The following OSTM1 variants were observed in gnomAD, a reference collection of about 807,000 sequenced individuals.
The protein encoded by OSTM1 is osteopetrosis-associated transmembrane protein 1.
In OSTM1, 26 loss-of-function variants were observed where a neutral mutation model predicts 35.4. The ratio of observed to expected loss-of-function variants is 0.73; its 90% CI spans 0.54 to 1.02. The LOEUF is 1.02. Ranked by LOEUF, OSTM1 falls within the 50% of genes least tolerant of loss-of-function variation. OSTM1 has a pLI of 0.00. For missense variants in OSTM1, 366 were observed against 409.6 expected (o/e 0.89, Z 0.92); for synonymous variants, 181 against 165.0 (o/e 1.10, Z -0.75).
intron 3 of OSTM1, among the ~76,000 whole-genome samples, chr6:108,053,623 G>A (rs1351826201): frequency 6.6e-6 from 1 of 152,128 alleles, no homozygotes; most frequent in Non-Finnish European, 1.5e-5. Context: ...GCACCACCAA[G>A]CCTGGCTAAG....
intron 2 of OSTM1, among the ~76,000 whole-genome samples, chr6:108,054,857 G>C (rs575066365): frequency 1.3e-5 from 2 of 152,190 alleles, no homozygotes; most frequent in East Asian, 3.9e-4. Context: ...GATGGCACAA[G>C]GTCATAATCA....
chr6:108,068,058 C>T (rs1381680456), intron 1 of OSTM1, among the ~76,000 whole-genome samples: 1 of 152,072 alleles, frequency 6.6e-6, no homozygotes, highest in Non-Finnish European at 1.5e-5. Flanking sequence ...TTAGTGTCAC[C>T]AATACTGCCA....
At chr6:108,070,411 C>T (rs1306287479) in intron 1 of OSTM1, among the ~76,000 whole-genome samples, 2 of 152,210 alleles carry the variant, frequency 1.3e-5, no homozygotes, top group Admixed American at 1.3e-4. Flanking sequence ...TTATAACACT[C>T]ACTGATATTT....
rs778815348 is a variant in OSTM1 at position 108,054,553 on chromosome 6, GT to G, written c.551del (p.Asn184ThrfsTer14). On this transcript the variant is annotated frameshift_variant, in exon 3 of 6. Coordinates refer to ENST00000193322, the MANE Select transcript of OSTM1 (RefSeq NM_014028.4). LOFTEE classifies it high-confidence loss of function. ...CLTNNSEELS[N>X]STVYFLNLFN... is the part of the protein sequence containing the mutation. ...ATAGATTAAGGAAATATACTGTGCT[GT>G]TTGATAATTCTTCACTGTTGTTTGT... 4.4e-6 allele frequency: 7 copies of G among 1,574,934 alleles called. No homozygotes were observed. The highest frequency in any genetic ancestry group is 6.1e-6 in the Non-Finnish European group (7 of 1,146,950).
chr6:108,062,012 C>T (rs537101699), intron 2 of OSTM1, among the ~76,000 whole-genome samples: 1 of 151,744 alleles, frequency 6.6e-6, no homozygotes, highest in African/African-American at 2.4e-5. Flanking sequence ...CTATATACTA[C>T]GTTTTTTTCT....
intron 5 of OSTM1, among the ~76,000 whole-genome samples, chr6:108,045,091 G>A (rs1395478277): frequency 1.3e-5 from 2 of 152,066 alleles, no homozygotes; most frequent in African/African-American, 2.4e-5. Flanking sequence ...ATATCTTCTT[G>A]AACATCACAA....
At chr6:108,045,287 T>G (rs1771947959) in intron 5 of OSTM1, among the ~76,000 whole-genome samples, 1 of 152,170 alleles carries the variant, frequency 6.6e-6, no homozygotes, top group South Asian at 2.1e-4. Flanking sequence ...TAGCAATCAT[T>G]ATGCTTAACT....
chr6:108,056,189 A>G (rs1332802174), intron 2 of OSTM1, among the ~76,000 whole-genome samples: 1 of 152,228 alleles, frequency 6.6e-6, no homozygotes, highest in African/African-American at 2.4e-5. Flanking sequence ...CACTTTAAAC[A>G]CATTTGCCCA....
At chr6:108,065,374 G>T (rs1006145782) in intron 1 of OSTM1, among the ~76,000 whole-genome samples, 45 of 151,550 alleles carry the variant, frequency 3.0e-4, no homozygotes, top group African/African-American at 1.1e-3. Flanking sequence ...CGAGCAGCTG[G>T]GACTACAGGC....
intron 2 of OSTM1, among the ~76,000 whole-genome samples, chr6:108,060,092 A>T (rs1334310580): frequency 6.6e-6 from 1 of 152,204 alleles, no homozygotes; most frequent in Non-Finnish European, 1.5e-5. Context: ...GCCCTCCCTC[A>T]AAATACATAT....
intron 2 of OSTM1, among the ~76,000 whole-genome samples, chr6:108,057,026 C>T (rs1384967967): frequency 1.3e-5 from 2 of 152,192 alleles, no homozygotes; most frequent in South Asian, 2.1e-4. Flanking sequence ...TCCAGGAGTT[C>T]GAGACCAGCC....
intron 3 of OSTM1, among the ~76,000 whole-genome samples, chr6:108,054,147 C>T (rs1263644088): frequency 6.6e-6 from 1 of 152,178 alleles, no homozygotes; most frequent in Non-Finnish European, 1.5e-5. Context: ...TCATACTACA[C>T]TGCAAAATAC....
At chr6:108,071,572 C>T (rs1304366550) in intron 1 of OSTM1, among the ~76,000 whole-genome samples, 1 of 151,088 alleles carries the variant, frequency 6.6e-6, no homozygotes, top group Non-Finnish European at 1.5e-5. Flanking sequence ...CTTGGCCTCC[C>T]AAAGTGCTGG....
chr6:108,070,318 C>CAT (rs1772458097), intron 1 of OSTM1, among the ~76,000 whole-genome samples: 2 of 152,130 alleles, frequency 1.3e-5, no homozygotes, highest in Non-Finnish European at 2.9e-5. Flanking sequence ...GGATTACAGG[C>CAT]ATGAGCCACT....
At chr6:108,054,419 A>ATT in intron 3 of OSTM1, 71 bp downstream of exon 3, 2 of 697,084 alleles carry the variant, frequency 2.9e-6, no homozygotes, top group Non-Finnish European at 4.9e-6. Context: ...TAGTGCTCTA[A>ATT]AAACTTGGAA....
At chr6:108,044,917 T>C in intron 5 of OSTM1, 77 bp from the exon 6 acceptor site, 1 of 724,306 alleles carries the variant, frequency 1.4e-6, no homozygotes, top group Non-Finnish European at 2.2e-6. Flanking sequence ...TTATGTAATC[T>C]ATAGTATTTA....
intron 3 of OSTM1, among the ~76,000 whole-genome samples, chr6:108,054,193 T>G (rs976322467): frequency 6.6e-6 from 1 of 152,254 alleles, no homozygotes; most frequent in African/African-American, 2.4e-5. Flanking sequence ...TGTGTTTTAA[T>G]TAAACAATCA....
Position 108,049,428 on chromosome 6 carries a change from G to C in OSTM1, c.784-10C>G, listed in dbSNP as rs753191662. ...TTCGAGTGATGTTCATCTGGAACAAGAGCAAACAATATCTTTCTATTTTAT... is the reference window on the plus strand; with the variant it reads ...TTCGAGTGATGTTCATCTGGAACAACAGCAAACAATATCTTTCTATTTTAT... On this transcript the variant is annotated splice_polypyrimidine_tract_variant and intron_variant, in intron 4 of 5. Coordinates refer to ENST00000193322, the MANE Select transcript of OSTM1 (RefSeq NM_014028.4). 2 of 1,612,570 alleles carry C rather than the reference G, an allele frequency of 1.2e-6. No homozygotes were observed. The highest frequency in any genetic ancestry group is 3.3e-5 in the Admixed American group (2 of 59,992).
chr6:108,059,868 T>G (rs1016964261), intron 2 of OSTM1, among the ~76,000 whole-genome samples: 2 of 152,208 alleles, frequency 1.3e-5, no homozygotes, highest in African/African-American at 4.8e-5. Context: ...TAATTTTTAA[T>G]GCGTAATTCT....
Sources: gnomAD v4.1 joint callset for allele counts (sites outside exome capture counted in the v4.1 genomes callset) on GRCh38, gnomAD v4.1.1 for gene constraint, MANE v1.5 for transcripts, NCBI Gene and HGNC (gene_info 2026-07-23, HGNC 2026-07-21) for gene names.